Variants in ZNF418 observed in about 807,000 individuals in gnomAD.
ZNF418 encodes the protein zinc finger protein 418.
Under a neutral mutation model 32.0 loss-of-function variants are expected in ZNF418, and 32 were observed. The observed-to-expected ratio is 1.00, with a 90% CI of 0.75 to 1.34. The LOEUF is 1.34. Ranked by LOEUF, ZNF418 falls within the 40% of genes most tolerant of loss-of-function variation. The pLI, the probability that ZNF418 is intolerant of heterozygous loss-of-function variation, is 0.00. For synonymous variants in ZNF418, 276 were observed against 270.7 expected, an observed-to-expected ratio of 1.02 and a Z score of -0.19; for missense variants, 804 against 812.5, an observed-to-expected ratio of 0.99 and a Z score of 0.13.
At chr19:57,932,280 G>T (rs2072518309) in intron 2 of ZNF418, 1 of 689,084 alleles carries the variant, frequency 1.5e-6, no homozygotes, top group African/African-American at 1.8e-5. Flanking sequence ...AGTGGGAAGG[G>T]GATTTGTGCT....
intron 2 of ZNF418, among the ~76,000 whole-genome samples, 172 bp downstream of exon 2, chr19:57,933,645 C>T (rs138635899): frequency 9.9e-5 from 15 of 152,098 alleles, no homozygotes; most frequent in African/African-American, 2.9e-4. Context: ...GGCGTGAACC[C>T]GGGAGGCAGA....
intron 2 of ZNF418, among the ~76,000 whole-genome samples, chr19:57,932,234 G>C (rs987827308): frequency 1.1e-4 from 16 of 152,184 alleles, no homozygotes; most frequent in African/African-American, 3.4e-4. Flanking sequence ...TAATGAAAAG[G>C]GTTGTTAGGC....
chr19:57,928,627 T>C (rs1239895831), intron 3 of ZNF418, among the ~76,000 whole-genome samples: 1 of 152,166 alleles, frequency 6.6e-6, no homozygotes, highest in Admixed American at 6.5e-5. Flanking sequence ...GTTAATGCTA[T>C]ATAGAAGGCT....
rs148593755 is a variant in ZNF418, at chr19:57,933,082, T to C, written c.6+735A>G. ...CCCACAAAAGATTTACCATGAAAAT[T>C]TGAAGTGTGTCAATGTCATAATGGA... On this transcript the variant is annotated intron_variant, in intron 2 of 5. Coordinates refer to ENST00000396147, the MANE Select transcript of ZNF418 (RefSeq NM_133460.3). 2.6e-5 allele frequency among the ~76,000 whole-genome samples: 4 copies of C among 152,270 alleles called. No homozygotes were observed. In the East Asian group the frequency reaches 5.8e-4, roughly 22 times the overall value.
chr19:57,926,683 G>C lies in ZNF418; in HGVS notation c.1498C>G (p.His500Asp). ...SFQDSSGFRV[H>D]QRVHTGEKPF... The stretch of plus-strand genomic sequence containing the variant: ...TTTTCTCCAGTGTGAACTCTCTGAT[G>C]AACACGAAACCCAGAGCTGTCTTGA... The change falls in exon 4 of 6, where the codon CAT becomes GAT. Residue 500 changes from histidine to aspartate, a missense_variant. His to Asp is a moderately conservative substitution (Grantham distance 81, BLOSUM62 -1). This residue lies in a region of ZNF418 where 475 missense variants were observed against 458.6 expected (regional missense o/e 1.04). Transcript: ENST00000396147. 6.2e-7 allele frequency: 1 copy of C among 1,614,058 alleles called. No homozygotes were observed. The highest frequency in any genetic ancestry group is 2.2e-5 in the East Asian group (1 of 44,868).
Position 57,926,903 on chromosome 19 carries a change from G to A in ZNF418, c.1278C>T (p.Tyr426=), listed in dbSNP as rs773790122. The A allele has an allele frequency of 2.2e-5, 35 of 1,607,660 alleles. No homozygotes were observed. The highest frequency in any genetic ancestry group is 1.0e-4 in the South Asian group (9 of 90,190). ...AAGATTTCCCACATTCTCCACACTC[G>A]TAAGGTCTTTCTCCAGTGTGACCTC... The part of the protein sequence containing the change: ...HQRGHTGERP[Y]ECGECGKSFS... Residue 426 remains tyrosine, a synonymous_variant, in exon 4 of 6, where the codon TAC becomes TAT. Coordinates refer to ENST00000396147, the MANE Select transcript of ZNF418 (RefSeq NM_133460.3).
At position 57,930,389 on chromosome 19, in the gene ZNF418, G is replaced by A. The variant is rs573654692; in HGVS notation, c.133+39C>T. On this transcript the variant is annotated intron_variant, in intron 3 of 5. Coordinates refer to ENST00000396147, the MANE Select transcript of ZNF418 (RefSeq NM_133460.3). ...AATGGGAGAAAAGGGGAAGGGCAGA[G>A]ATCTATTCAGGAAATAGGGTAGGGT... 3 of 1,613,574 alleles carry A rather than the reference G, an allele frequency of 1.9e-6. No individual in the cohort carries two copies. The South Asian group carries it at 3.3e-5, about 18-fold the overall frequency.
chr19:57,932,753 T>C, intron 2 of ZNF418: 1 of 667,524 alleles, frequency 1.5e-6, no homozygotes, highest in Non-Finnish European at 2.2e-6. Flanking sequence ...ACCCTGAGCA[T>C]GTATCCACCA....
chr19:57,929,027 A>G (rs2072370570), intron 3 of ZNF418, among the ~76,000 whole-genome samples: 2 of 151,908 alleles, frequency 1.3e-5, no homozygotes, highest in African/African-American at 4.8e-5. Flanking sequence ...ACAAAACACA[A>G]TTTGTACACA....
Position 57,926,608 on chromosome 19 carries a change from G to A in ZNF418, c.1573C>T (p.Leu525Phe), listed in dbSNP as rs572483773. Reference protein sequence around the residue: ...CGKSFPQSCSLLRHRRVHTGE... With the variant: ...CGKSFPQSCSFLRHRRVHTGE... Reference sequence around the variant, plus strand: ...GTATGAACTCTCCGATGTCGAAGGAGGGAACAGCTTTGAGGAAATGACTTC... The same window carrying A: ...GTATGAACTCTCCGATGTCGAAGGAAGGAACAGCTTTGAGGAAATGACTTC... The change falls in exon 4 of 6, where the codon CTC (leucine) becomes TTC (phenylalanine). Residue 525 changes from leucine (L) to phenylalanine (F), a missense_variant. Leu to Phe is a conservative substitution (Grantham distance 22). Coordinates refer to ENST00000396147, the MANE Select transcript of ZNF418 (RefSeq NM_133460.3). The A allele has an allele frequency of 2.5e-6, 4 of 1,614,070 alleles. No homozygotes were observed. In the African/African-American group the frequency reaches 4.0e-5, roughly 16 times the overall value.
At chr19:57,933,939 C>G (rs763420864) in intron 1 of ZNF418, 37 bp from the exon 2 acceptor site, 3 of 1,605,462 alleles carry the variant, frequency 1.9e-6, no homozygotes, top group African/African-American at 2.7e-5. Flanking sequence ...ATCACCTCCT[C>G]GCCGCCCTCT....
intron 3 of ZNF418, among the ~76,000 whole-genome samples, chr19:57,928,783 G>C (rs1244016700): frequency 6.6e-6 from 1 of 151,988 alleles, no homozygotes; most frequent in Non-Finnish European, 1.5e-5. Context: ...CACGAGGTCA[G>C]GAGATCGAGA....
chr19:57,926,114 A>G lies in ZNF418; in HGVS notation c.*36T>C. 6.5e-7 allele frequency: 1 copy of G among 1,538,716 alleles called. No homozygotes were observed. Among genetic ancestry groups the G allele is most frequent in the Admixed American group, 1.8e-5 (1 of 55,206 alleles). ...AAGAACCCTCTGATCAAGAAGATGCACAGAGGTTTAGCTAAAGAATTTCCC... is the reference window on the plus strand; with the variant it reads ...AAGAACCCTCTGATCAAGAAGATGCGCAGAGGTTTAGCTAAAGAATTTCCC... On this transcript the variant is annotated 3_prime_UTR_variant, in exon 4 of 6. Coordinates refer to ENST00000396147, the MANE Select transcript of ZNF418 (RefSeq NM_133460.3).
At chr19:57,932,566 TTGGTGAC>T in intron 2 of ZNF418, 3 of 1,533,850 alleles carry the variant, frequency 2.0e-6, no homozygotes, top group Non-Finnish European at 2.6e-6. Context: ...TGTGTTGCAC[TTGGTGAC>T]CCCTCTACAA....
chr19:57,927,466 AG>A lies in ZNF418; in HGVS notation c.714del (p.Phe239LeufsTer147). On this transcript the variant is annotated frameshift_variant, in exon 4 of 6. Coordinates refer to ENST00000396147, the MANE Select transcript of ZNF418 (RefSeq NM_133460.3). LOFTEE classifies it high-confidence loss of function. ...TTACTGACGCTATCATATTTGCTAA[AG>A]GATTTCCCACATTCCCAGCAATAAC... ...EECYCWECGK[S>X]FSKYDSVSNH... 2 of 1,614,250 alleles carry A rather than the reference AG, an allele frequency of 1.2e-6. No individual in the cohort carries two copies. Among genetic ancestry groups the A allele is most frequent in the Non-Finnish European group, 1.7e-6 (2 of 1,180,058 alleles).
intron 3 of ZNF418, among the ~76,000 whole-genome samples, chr19:57,929,919 C>T (rs533922073): frequency 1.8e-4 from 28 of 152,252 alleles, no homozygotes; most frequent in East Asian, 7.7e-4. Context: ...CTCCTGACCT[C>T]GTGATCCACC....
At chr19:57,930,310 A>G (rs2072431936) in intron 3 of ZNF418, 118 bp downstream of exon 3, 1 of 1,493,418 alleles carries the variant, frequency 6.7e-7, no homozygotes, top group Non-Finnish European at 9.3e-7. Context: ...TACCCAGAGA[A>G]GTGGAGAAGG....
At chr19:57,931,878 A>G (rs951480362) in intron 2 of ZNF418, among the ~76,000 whole-genome samples, 2 of 152,242 alleles carry the variant, frequency 1.3e-5, no homozygotes, top group African/African-American at 2.4e-5. Flanking sequence ...CCTGGCCAAC[A>G]AAGTATTTTA....
intron 3 of ZNF418, 53 bp downstream of exon 3, chr19:57,930,375 A>T: frequency 6.2e-7 from 1 of 1,611,866 alleles, no homozygotes; most frequent in Non-Finnish European, 8.5e-7. Flanking sequence ...ATGGGAGAAA[A>T]GGGGAAGGGC....
Sources: allele counts gnomAD v4.1 joint callset (sites outside exome capture counted in the v4.1 genomes callset), GRCh38; gene constraint gnomAD v4.1.1; regional missense constraint gnomAD v4.1.1; transcripts MANE v1.5; gene names NCBI Gene and HGNC (gene_info 2026-07-23, HGNC 2026-07-21).